The following ZNF821 variants were observed in gnomAD, a reference collection of about 807,000 sequenced individuals.
The protein encoded by ZNF821 is zinc finger protein 821.
Under a neutral mutation model 44.3 loss-of-function variants are expected in ZNF821, and 16 were observed. That is an observed-to-expected ratio of 0.36 (90% CI 0.24 to 0.55). The LOEUF (loss-of-function observed/expected upper bound fraction) is 0.55, where lower values mean the gene tolerates loss of function less well. Among genes scored for constraint, ZNF821 ranks in the 20% least tolerant of loss-of-function variants. The probability of loss-of-function intolerance (pLI) is 0.86; values close to 1 mark genes in which losing one functional copy is unlikely to be tolerated. For synonymous variants in ZNF821, 204 were observed against 197.6 expected, an observed-to-expected ratio of 1.03 and a Z score of -0.27; for missense variants, 436 against 547.6, an observed-to-expected ratio of 0.80 and a Z score of 2.03.
intron 3 of ZNF821, among the ~76,000 whole-genome samples, chr16:71,876,621 C>T (rs1291400091): frequency 2.6e-5 from 4 of 152,016 alleles, no homozygotes; most frequent in Non-Finnish European, 5.9e-5. Flanking sequence ...TTTTTGGAGA[C>T]AGGATCTCAC....
chr16:71,894,499 G>A, intron 1 of ZNF821: 1 of 212,394 alleles, frequency 4.7e-6, no homozygotes, highest in South Asian at 7.3e-5. Context: ...ACCTGCCTCG[G>A]CCTCCCAAAA....
Position 71,860,196 on chromosome 16 carries a change from CTCT to C in ZNF821, c.1058_1060del (p.Lys353del), listed in dbSNP as rs756874821. On this transcript the variant is annotated inframe_deletion, in exon 8 of 8. Coordinates refer to ENST00000425432, the MANE Select transcript of ZNF821 (RefSeq NM_001201552.2). The surrounding 1 kb of genome is among the most constrained non-coding windows in gnomAD (Gnocchi z 7.3). ...CATCATGTCCATTTTCTCCAGCCTC[CTCT>C]TGAGCCGCTTGGCCTCTCGCTCTCG... is the stretch of plus-strand genomic sequence containing the variant. 1 of 1,614,252 alleles carries C rather than the reference CTCT, an allele frequency of 6.2e-7. No individual in the cohort carries two copies. The highest frequency in any genetic ancestry group is 2.2e-5 in the East Asian group (1 of 44,880).
chr16:71,865,141 C>T, intron 4 of ZNF821, 93 bp from the exon 5 acceptor site: 1 of 1,479,044 alleles, frequency 6.8e-7, no homozygotes, highest in Non-Finnish European at 9.3e-7. Context: ...CAATAGAAAA[C>T]ATTTTCAGAT....
chr16:71,892,313 C>T (rs928212821), intron 1 of ZNF821, among the ~76,000 whole-genome samples: 2 of 148,706 alleles, frequency 1.3e-5, no homozygotes, highest in South Asian at 2.3e-4. Flanking sequence ...GTCACCCAGG[C>T]TGGAGGGCAG....
rs1332886721 is a variant in ZNF821 at position 71,860,636 on chromosome 16, T to C, written c.621A>G (p.Leu207=). ...KLPEVLNMES[L]PTVHNEGPSS... The stretch of plus-strand genomic sequence containing the variant: ...AGGGACCCTCATTGTGGACTGTGGG[T>C]AGGGATTCCATATTTAGTACTTCAG... Residue 207 remains leucine, a synonymous_variant, in exon 8 of 8, where the codon CTA becomes CTG. Transcript: ENST00000425432. The surrounding 1 kb of genome is among the most constrained non-coding windows in gnomAD (Gnocchi z 7.3). 1 of 1,613,868 alleles carries C rather than the reference T, an allele frequency of 6.2e-7. No homozygotes were observed. Among genetic ancestry groups the C allele is most frequent in the Non-Finnish European group, 8.5e-7 (1 of 1,179,946 alleles).
At position 71,861,927 on chromosome 16, in the gene ZNF821, C is replaced by A. The variant is rs756306303; in HGVS notation, c.433G>T (p.Val145Leu). ...GGACACATGTAGCTCTTGGCGCTCA[C>A]CACTGCTGCAGTGTGCTGTAAAACA... ...AHVYQHTAAV[V>L]SAKSYMCPVC... The change falls in exon 7 of 8, where the codon GTG becomes TTG. Residue 145 changes from valine (V) to leucine (L), a missense_variant. Physicochemically the swap from Val to Leu is conservative, Grantham distance 32. This residue lies in a region of ZNF821 where 238 missense variants were observed against 281.4 expected (regional missense o/e 0.85). Transcript: ENST00000425432. 1 of 1,614,184 alleles carries A rather than the reference C, an allele frequency of 6.2e-7. No individual in the cohort carries two copies. The highest frequency in any genetic ancestry group is 1.1e-5 in the South Asian group (1 of 91,086).
chr16:71,889,820 G>A (rs2036876055), intron 1 of ZNF821, among the ~76,000 whole-genome samples: 1 of 152,160 alleles, frequency 6.6e-6, no homozygotes, highest in South Asian at 2.1e-4. Context: ...AGGTATGGTG[G>A]CATGGCATGT....
At chr16:71,864,293 C>T (rs369444754) in intron 5 of ZNF821, 51 bp from the exon 6 acceptor site, 9 of 1,520,280 alleles carry the variant, frequency 5.9e-6, no homozygotes, top group Middle Eastern at 1.7e-4. Flanking sequence ...TCATCTCTTC[C>T]CTGCCCCAGC....
chr16:71,885,863 A>G (rs888352120), upstream of ZNF821, among the ~76,000 whole-genome samples: 2 of 152,258 alleles, frequency 1.3e-5, no homozygotes, highest in Non-Finnish European at 2.9e-5. Flanking sequence ...AAAATGGAAT[A>G]TTATCATCCA....
chr16:71,863,952 C>T (rs2034232104), intron 6 of ZNF821, among the ~76,000 whole-genome samples, 186 bp downstream of exon 6: 1 of 152,238 alleles, frequency 6.6e-6, no homozygotes, highest in Non-Finnish European at 1.5e-5. Context: ...CCCGCCTCGG[C>T]TTCCCACAGT....
chr16:71,875,072 TG>T (rs2035648397), intron 3 of ZNF821, among the ~76,000 whole-genome samples: 1 of 152,152 alleles, frequency 6.6e-6, no homozygotes, highest in African/African-American at 2.4e-5. Flanking sequence ...AGCCCCTCCC[TG>T]GGGGTCTGCT....
chr16:71,875,725 G>C (rs754497429), intron 3 of ZNF821, among the ~76,000 whole-genome samples: 1 of 151,746 alleles, frequency 6.6e-6, no homozygotes, highest in African/African-American at 2.4e-5. Flanking sequence ...CCCTCCCGAA[G>C]TGCTGGGATT....
intron 6 of ZNF821, among the ~76,000 whole-genome samples, chr16:71,863,154 CCAAGGTGCTGGGATT>C (rs1459943944): frequency 2.0e-5 from 3 of 152,172 alleles, no homozygotes; most frequent in Non-Finnish European, 4.4e-5. Flanking sequence ...CCTTGGCCTC[CCAAGGTGCTGGGATT>C]ACAGGCGTGA....
upstream of ZNF821, chr16:71,885,247 A>C (rs1034312671): frequency 1.3e-5 from 2 of 152,370 alleles, no homozygotes; most frequent in East Asian, 1.9e-4. Flanking sequence ...TCTCTTCTAG[A>C]ATGCCTGAGC....
intron 4 of ZNF821, among the ~76,000 whole-genome samples, chr16:71,865,326 T>C (rs942244473): frequency 6.6e-5 from 10 of 152,170 alleles, no homozygotes; most frequent in African/African-American, 2.4e-4. Context: ...TTCTGACTCA[T>C]GGTTTTCAAA....
intron 1 of ZNF821, among the ~76,000 whole-genome samples, chr16:71,892,263 A>G (rs1331246661): frequency 2.2e-5 from 3 of 134,320 alleles, no homozygotes; most frequent in Admixed American, 7.9e-5. Context: ...TGATACTTTT[A>G]GCTTATCTTT....
rs2142329734 is a variant in ZNF821 at position 71,859,806 on chromosome 16, C to T, written c.*212G>A. 3 of 596,328 alleles carry T rather than the reference C, an allele frequency of 5.0e-6. No homozygotes were observed. Among genetic ancestry groups the T allele is most frequent in the Admixed American group, 3.2e-5 (1 of 31,228 alleles). 36.9% of individuals were successfully genotyped at this position (596,328 alleles called of 1,614,324 possible). A position where few individuals can be genotyped will look rare whatever the true frequency, so the allele number is the denominator to read the frequency against. On this transcript the variant is annotated 3_prime_UTR_variant, in exon 8 of 8. Coordinates refer to ENST00000425432, the MANE Select transcript of ZNF821 (RefSeq NM_001201552.2). ...GCCAGTTCTCTGGACTGCCTGCTCC[C>T]TTGTCCAGAGCTGCCTTGAGCCAGG... is the stretch of plus-strand genomic sequence containing the variant.
Position 71,860,707 on chromosome 16 carries a change from C to T in ZNF821, c.585-35G>A. On this transcript the variant is annotated intron_variant, in intron 7 of 7. Coordinates refer to ENST00000425432, the MANE Select transcript of ZNF821 (RefSeq NM_001201552.2). The surrounding 1 kb of genome is among the most constrained non-coding windows in gnomAD (Gnocchi z 7.3). ...AAACATTTTGGATGGTTAGTGTTTC[C>T]TTCTAGCAAGAGTCGGGACTCCAGC... The T allele has an allele frequency of 6.3e-7, 1 of 1,593,826 alleles. No individual in the cohort carries two copies. The highest frequency in any genetic ancestry group is 2.2e-5 in the East Asian group (1 of 44,732).
At chr16:71,878,932 A>AT (rs1302543762) in intron 3 of ZNF821, among the ~76,000 whole-genome samples, 2 of 152,056 alleles carry the variant, frequency 1.3e-5, no homozygotes, top group Non-Finnish European at 2.9e-5. Flanking sequence ...TCAAAAAAAA[A>AT]AAAAAAAGCA....
Sources: gnomAD v4.1 joint callset for allele counts (sites outside exome capture counted in the v4.1 genomes callset) on GRCh38, gnomAD v4.1.1 for gene constraint, gnomAD v4.1.1 regional missense constraint, Gnocchi (gnomAD v3.1) non-coding constraint, MANE v1.5 for transcripts, NCBI Gene and HGNC (gene_info 2026-07-23, HGNC 2026-07-21) for gene names.